ZNF577: variants seen among roughly 807,000 people sequenced by gnomAD.
ZNF577 encodes the protein zinc finger protein 577.
Under a neutral mutation model 13.9 loss-of-function variants are expected in ZNF577, and 14 were observed. The ratio of observed to expected loss-of-function variants is 1.00; its 90% confidence interval spans 0.66 to 1.57. The LOEUF is 1.57. ZNF577 is among the 40% of genes most tolerant of loss of function. The pLI, the probability that ZNF577 is intolerant of heterozygous loss-of-function variation, is 0.00. For synonymous variants in ZNF577, 203 were observed against 202.9 expected, an observed-to-expected ratio of 1.00 and a Z score of 0.00; for missense variants, 555 against 579.2, an observed-to-expected ratio of 0.96 and a Z score of 0.43.
chr19:51,837,596 A>G (rs998172925), intron 9 of ZNF577, among the ~76,000 whole-genome samples: 1 of 152,230 alleles, frequency 6.6e-6, no homozygotes, highest in Non-Finnish European at 1.5e-5. Flanking sequence ...TGCTAAGTGC[A>G]CAAAGTCAGA....
At position 51,824,573 on chromosome 19, in the gene ZNF577, C is replaced by G; in HGVS notation, c.*600-12899G>C. ...GGCTCAAAGAGATGTTGTTAAATGG[C>G]AAATACAAAATCATTCTTGTCCTGA... On this transcript the variant is annotated intron_variant and NMD_transcript_variant, in intron 9 of 10. Transcript: ENST00000638827. The surrounding 1 kb of genome is among the most constrained non-coding windows in gnomAD (Gnocchi z 4.7). 1 of 1,614,142 alleles carries G rather than the reference C, an allele frequency of 6.2e-7. No homozygotes were observed. Among genetic ancestry groups the G allele is most frequent in the Non-Finnish European group, 8.5e-7 (1 of 1,180,002 alleles).
At position 51,873,500 on chromosome 19, in the gene ZNF577, C is replaced by T. The variant is rs200063901; in HGVS notation, c.490G>A (p.Gly164Arg). 1.5e-5 allele frequency: 24 copies of T among 1,614,182 alleles called. No homozygotes were observed. The highest frequency in any genetic ancestry group is 1.9e-5 in the Non-Finnish European group (23 of 1,180,032). ...TGTGCTTTCCTGGAGAAGGCTCTCC[C>T]GCACACACTGCATTCATGTGGTTTC... The part of the protein sequence containing the change: ...GGKPHECSVC[G>R]RAFSRKAQLI... Residue 164 changes from glycine (G) to arginine (R), a missense_variant, in exon 6 of 6, where the codon GGG (glycine) becomes AGG (arginine). Gly to Arg is a moderately radical substitution (Grantham distance 125). Transcript: ENST00000638348.
chr19:51,853,386 C>T (rs1277324174), intron 5 of ZNF577, among the ~76,000 whole-genome samples: 1 of 152,180 alleles, frequency 6.6e-6, no homozygotes, highest in Non-Finnish European at 1.5e-5. Flanking sequence ...AAGTTTTGGC[C>T]AGCCTCAAGT....
At chr19:51,811,923 G>A (rs1332309500) in intron 9 of ZNF577, among the ~76,000 whole-genome samples, 1 of 152,144 alleles carries the variant, frequency 6.6e-6, no homozygotes, top group East Asian at 1.9e-4. Flanking sequence ...ATCCCATGGG[G>A]TCTTCGGCTC....
chr19:51,861,029 C>A, intron 5 of ZNF577: 1 of 408,554 alleles, frequency 2.4e-6, no homozygotes, highest in Admixed American at 3.2e-5. Flanking sequence ...TTCATTACAT[C>A]CACTGGTGCT....
Position 51,867,444 on chromosome 19 carries a change from C to T in ZNF577, c.*5088G>A, listed in dbSNP as rs2084582552. 1.3e-5 allele frequency among the ~76,000 whole-genome samples: 2 copies of T among 151,936 alleles called. No individual in the cohort carries two copies. The highest frequency in any genetic ancestry group is 1.9e-4 in the East Asian group (1 of 5,178). ...CCAGCTTTTAGAATTGTGACAATTA[C>T]TCAATTTCCCTCCCTTAATGAAGGA... is the stretch of plus-strand genomic sequence containing the variant. On this transcript the variant is annotated 3_prime_UTR_variant, in exon 6 of 6. Transcript: ENST00000638348.
At chr19:51,860,187 A>G (rs2084481630) in intron 5 of ZNF577, 1 of 152,214 alleles carries the variant, frequency 6.6e-6, no homozygotes, top group Non-Finnish European at 1.5e-5. Context: ...AATTTAAGAC[A>G]TGGTAGGATG....
chr19:51,877,403 T>C (rs113934016), intron 4 of ZNF577, 26 bp from the exon 5 acceptor site: 55 of 1,580,362 alleles, frequency 3.5e-5, no homozygotes, highest in African/African-American at 1.6e-4. Flanking sequence ...CACTGAACAC[T>C]TGGCACGTGT....
rs2084472665 is a variant in ZNF577, at chr19:51,859,329, G to T, written c.284-14398C>A. Among the ~76,000 whole-genome samples, 3 of 152,098 alleles carry T rather than the reference G, an allele frequency of 2.0e-5. No homozygotes were observed. The South Asian group carries it at 6.2e-4, about 32-fold the overall frequency. ...CATTCATGGACAAATATTTGGTTGA[G>T]TACCTGTTTTCAATTCTCATGGGTA... On this transcript the variant is annotated intron_variant and NMD_transcript_variant, in intron 5 of 10. Transcript: ENST00000638827.
rs574093661 is a variant in ZNF577 at position 51,867,808 on chromosome 19, GCAAA to G, written c.*4720_*4723del. Among the ~76,000 whole-genome samples the G allele has an allele frequency of 2.9e-3, 435 of 151,880 alleles. 3 individuals carry two copies. Among genetic ancestry groups the G allele is most frequent in the African/African-American group, 8.6e-3 (356 of 41,452 alleles). On this transcript the variant is annotated 3_prime_UTR_variant, in exon 6 of 6. Coordinates refer to ENST00000638348, the MANE Select transcript of ZNF577 (RefSeq NM_001370449.1). ...TCAAATAAACAAAAAACAAAAACAA[GCAAA>G]CAAACAAAAAGAACAAAGCTAGGGT... is the stretch of plus-strand genomic sequence containing the variant.
At chr19:51,874,037 A>G (rs2084713677) in intron 5 of ZNF577, among the ~76,000 whole-genome samples, 1 of 152,240 alleles carries the variant, frequency 6.6e-6, no homozygotes, top group African/African-American at 2.4e-5. Context: ...GGATGATACT[A>G]TAAAACAGCA....
chr19:51,878,549 A>G lies in ZNF577; in HGVS notation c.61-34T>C, dbSNP rs751808864. ...ACAATTCCAATGCAATCTGAGGTGG[A>G]TAACAATAGATGATGCGGAGAAGAG... On this transcript the variant is annotated intron_variant, in intron 3 of 5. Transcript: ENST00000638348. 6.8e-6 allele frequency: 11 copies of G among 1,611,792 alleles called. No individual in the cohort carries two copies. The African/African-American group carries it at 8.0e-5, about 12-fold the overall frequency.
intron 1 of ZNF577, among the ~76,000 whole-genome samples, chr19:51,883,169 T>C (rs1026056598): frequency 2.0e-5 from 3 of 151,958 alleles, no homozygotes; most frequent in African/African-American, 7.3e-5. Flanking sequence ...ATTTTTGTAT[T>C]TGTAGTAAAG....
intron 5 of ZNF577, among the ~76,000 whole-genome samples, chr19:51,876,274 T>C (rs1001675963): frequency 1.3e-5 from 2 of 152,098 alleles, no homozygotes; most frequent in Non-Finnish European, 2.9e-5. Flanking sequence ...GATTCTGGTT[T>C]CACATCCTGG....
Position 51,859,388 on chromosome 19 carries a change from G to A in ZNF577, c.284-14457C>T, listed in dbSNP as rs1387499183. On this transcript the variant is annotated intron_variant and NMD_transcript_variant, in intron 5 of 10. Transcript: ENST00000638827. ...AGGAATGGAATTCCTGGGTCATATG[G>A]TAAGTCTGGATTTAACTTTTTGAGG... Among the ~76,000 whole-genome samples, 4 of 152,236 alleles carry A rather than the reference G, an allele frequency of 2.6e-5. No homozygotes were observed. The East Asian group carries it at 7.7e-4, about 29-fold the overall frequency.
At chr19:51,841,002 T>G (rs1167529757) in intron 8 of ZNF577, 1 of 152,182 alleles carries the variant, frequency 6.6e-6, no homozygotes, top group African/African-American at 2.4e-5. Context: ...GCCTTTGACC[T>G]AAGGGTAAGA....
In ZNF577 at chr19:51,824,136, C is replaced by T. The variant is rs1487474362; in HGVS notation, c.*600-12462G>A. On this transcript the variant is annotated intron_variant and NMD_transcript_variant, in intron 9 of 10. Transcript: ENST00000638827. This position sits in a 1 kb window ranked among gnomAD's most constrained non-coding sequence, Gnocchi z 4.7. ...GGACCGCTGTATTTGTGTCCTGCAT[C>T]CAGCCTGGGCCCAGAACCATCGCAC... 1 of 1,613,918 alleles carries T rather than the reference C, an allele frequency of 6.2e-7. No homozygotes were observed. Among genetic ancestry groups the T allele is most frequent in the Admixed American group, 1.7e-5 (1 of 60,010 alleles).
At chr19:51,837,918 A>G (rs2084296912) in intron 9 of ZNF577, among the ~76,000 whole-genome samples, 1 of 152,250 alleles carries the variant, frequency 6.6e-6, no homozygotes, top group Admixed American at 6.5e-5. Flanking sequence ...CATTTATTAC[A>G]GAAGTGCAAA....
chr19:51,874,282 G>T (rs2084719630), intron 5 of ZNF577, among the ~76,000 whole-genome samples: 1 of 152,114 alleles, frequency 6.6e-6, no homozygotes, highest in African/African-American at 2.4e-5. Context: ...CTCTCTCCAT[G>T]AACCTGTCAT....
Sources: gnomAD v4.1 joint callset for allele counts (sites outside exome capture counted in the v4.1 genomes callset) on GRCh38, gnomAD v4.1.1 for gene constraint, Gnocchi (gnomAD v3.1) non-coding constraint, MANE v1.5 for transcripts, NCBI Gene and HGNC (gene_info 2026-07-23, HGNC 2026-07-21) for gene names.